Variants in DYNC1I1 observed in about 807,000 individuals in gnomAD.
DYNC1I1 encodes the protein dynein cytoplasmic 1 intermediate chain 1.
Under a neutral mutation model 86.6 loss-of-function variants are expected in DYNC1I1, and 43 were observed. The observed-to-expected ratio is 0.50, with a 90% CI of 0.39 to 0.64. The LOEUF is 0.64. Ranked by LOEUF, DYNC1I1 falls within the 30% of genes least tolerant of loss-of-function variation. DYNC1I1 has a pLI of 0.00. For missense variants in DYNC1I1, 604 were observed against 788.8 expected, an observed-to-expected ratio of 0.77 and a Z score of 2.81; for synonymous variants, 262 against 283.7, an observed-to-expected ratio of 0.92 and a Z score of 0.77.
chr7:95,784,188 G>A (rs747273132), intron 1 of DYNC1I1, among the ~76,000 whole-genome samples: 5 of 152,030 alleles, frequency 3.3e-5, no homozygotes, highest in Non-Finnish European at 7.4e-5. Context: ...TGTCAATCTG[G>A]CTTCTATTCT....
chr7:96,018,837 C>G (rs1300361140), intron 10 of DYNC1I1, among the ~76,000 whole-genome samples: 1 of 152,136 alleles, frequency 6.6e-6, no homozygotes, highest in Non-Finnish European at 1.5e-5. Flanking sequence ...AGGGAAATAT[C>G]CAGACCTACA....
chr7:95,980,718 GA>G (rs1358271467), intron 7 of DYNC1I1, among the ~76,000 whole-genome samples: 1 of 151,766 alleles, frequency 6.6e-6, no homozygotes, highest in Non-Finnish European at 1.5e-5. Context: ...TTCTGCCATA[GA>G]GTAGGAAAAA....
At chr7:95,982,140 T>G (rs910691351) in intron 7 of DYNC1I1, among the ~76,000 whole-genome samples, 6 of 152,090 alleles carry the variant, frequency 3.9e-5, no homozygotes, top group African/African-American at 1.4e-4. Flanking sequence ...TATGGGTGGT[T>G]TTGTTTATTT....
intron 1 of DYNC1I1, among the ~76,000 whole-genome samples, chr7:95,781,571 T>G (rs2629065): frequency 1.3e-5 from 2 of 152,184 alleles, no homozygotes; most frequent in Non-Finnish European, 2.9e-5. Context: ...CTCAGTAAAT[T>G]GGGCAAAAGT....
At chr7:96,048,126 A>G (rs945199096) in intron 14 of DYNC1I1, among the ~76,000 whole-genome samples, 2 of 152,130 alleles carry the variant, frequency 1.3e-5, no homozygotes, top group Non-Finnish European at 2.9e-5. Context: ...GGAGGATTAG[A>G]CCAGGTCCTG....
chr7:95,802,118 C>G (rs567534232), intron 1 of DYNC1I1, among the ~76,000 whole-genome samples: 12 of 152,164 alleles, frequency 7.9e-5, no homozygotes, highest in African/African-American at 2.2e-4. Context: ...ACTTCTCCCC[C>G]CATCTGTAGT....
chr7:96,096,688 A>G (rs1791016753), intron 16 of DYNC1I1, among the ~76,000 whole-genome samples: 1 of 152,150 alleles, frequency 6.6e-6, no homozygotes, highest in African/African-American at 2.4e-5. Context: ...TGTACACAGA[A>G]GATGTTTTGG....
chr7:95,828,014 T>C (rs756582173), intron 4 of DYNC1I1, 43 bp from the exon 5 acceptor site: 12 of 1,610,020 alleles, frequency 7.5e-6, no homozygotes, highest in Non-Finnish European at 9.3e-6. Context: ...CCTCCCCTTT[T>C]GTTAATTCTC....
chr7:96,077,276 T>TGTGTGTGGGG (rs1554443206), intron 15 of DYNC1I1, among the ~76,000 whole-genome samples: 12 of 137,262 alleles, frequency 8.7e-5, no homozygotes, highest in African/African-American at 3.3e-4. Context: ...TGTGTGTGTG[T>TGTGTGTGGGG]GGGAGGGGGC....
chr7:95,962,927 G>T (rs1394365300), intron 6 of DYNC1I1, among the ~76,000 whole-genome samples: 1 of 152,116 alleles, frequency 6.6e-6, no homozygotes, highest in Admixed American at 6.5e-5. Context: ...GACTTATAAT[G>T]CTGCTTCTCA....
intron 10 of DYNC1I1, among the ~76,000 whole-genome samples, chr7:95,999,536 TG>T (rs1170082490): frequency 6.6e-6 from 1 of 152,180 alleles, no homozygotes; most frequent in Non-Finnish European, 1.5e-5. Flanking sequence ...TCATGGGCTT[TG>T]CTTCCCGTTA....
chr7:95,938,753 G>T (rs1335513047), intron 6 of DYNC1I1, among the ~76,000 whole-genome samples: 9 of 152,160 alleles, frequency 5.9e-5, no homozygotes, highest in African/African-American at 2.2e-4. Flanking sequence ...GGTGATTGGG[G>T]TGGGATGTAG....
chr7:95,903,570 T>C (rs1034006865), intron 6 of DYNC1I1, among the ~76,000 whole-genome samples: 3 of 152,210 alleles, frequency 2.0e-5, no homozygotes, highest in African/African-American at 7.2e-5. Flanking sequence ...ATGTTTCAGC[T>C]TGTGGGAAAA....
chr7:95,786,543 C>G (rs1454829646), intron 1 of DYNC1I1, among the ~76,000 whole-genome samples: 1 of 152,198 alleles, frequency 6.6e-6, no homozygotes, highest in East Asian at 1.9e-4. Context: ...CAGAACAGCA[C>G]TGTGTGCTTT....
chr7:95,783,245 C>A (rs558656424), intron 1 of DYNC1I1, among the ~76,000 whole-genome samples: 91 of 152,240 alleles, frequency 6.0e-4, no homozygotes, highest in African/African-American at 1.9e-3. Flanking sequence ...TAAGGAATAA[C>A]AGGTTCCCAG....
intron 11 of DYNC1I1, 74 bp from the exon 12 acceptor site, chr7:96,032,593 A>G: frequency 9.0e-7 from 1 of 1,116,660 alleles, no homozygotes; most frequent in Non-Finnish European, 1.3e-6. Flanking sequence ...GTTTTAGAGT[A>G]ATGTGTTTGA....
chr7:95,843,099 TCTTAAG>T (rs1789332973), intron 5 of DYNC1I1, among the ~76,000 whole-genome samples: 1 of 152,186 alleles, frequency 6.6e-6, no homozygotes, highest in Admixed American at 6.6e-5. Flanking sequence ...GCCCCATAAA[TCTTAAG>T]GTTTTCCAGT....
chr7:95,948,623 A>G (rs919362233), intron 6 of DYNC1I1, among the ~76,000 whole-genome samples: 1 of 152,222 alleles, frequency 6.6e-6, no homozygotes, highest in Non-Finnish European at 1.5e-5. Flanking sequence ...ATAGGTAGAA[A>G]TAATATCAAA....
intron 6 of DYNC1I1, among the ~76,000 whole-genome samples, chr7:95,943,305 C>G (rs1185092974): frequency 6.6e-6 from 1 of 151,200 alleles, no homozygotes; most frequent in African/African-American, 2.4e-5. Context: ...ACCTAGGAAT[C>G]CAACTTACAA....
Sources: gnomAD v4.1 joint callset for allele counts (sites outside exome capture counted in the v4.1 genomes callset) on GRCh38, gnomAD v4.1.1 for gene constraint, MANE v1.5 for transcripts, NCBI Gene and HGNC (gene_info 2026-07-23, HGNC 2026-07-21) for gene names.